Variants in FAM222B observed in about 807,000 individuals in gnomAD.
FAM222B encodes protein FAM222B.
In FAM222B, 12 loss-of-function variants were observed where a neutral mutation model predicts 38.0. That is an observed-to-expected ratio of 0.32 (90% CI 0.20 to 0.51). The LOEUF is 0.51. FAM222B is among the 20% of genes least tolerant of loss of function. The pLI is 0.97. For missense variants in FAM222B, 716 were observed against 754.2 expected (o/e 0.95, Z 0.59); for synonymous variants, 329 against 317.2 (o/e 1.04, Z -0.40).
intron 1 of FAM222B, chr17:28,854,920 T>C: frequency 8.6e-7 from 1 of 1,167,368 alleles, no homozygotes; most frequent in Non-Finnish European, 1.2e-6. Flanking sequence ...ACATCCCATG[T>C]GTCTCGGCTT....
chr17:28,779,327 T>C (rs145113812), intron 1 of FAM222B, among the ~76,000 whole-genome samples: 281 of 152,218 alleles, frequency 1.8e-3, no homozygotes, highest in African/African-American at 6.7e-3. Context: ...AAAAGAAGCA[T>C]TCACCATGAT....
intron 1 of FAM222B, among the ~76,000 whole-genome samples, chr17:28,791,538 G>C (rs2036684103): frequency 6.6e-6 from 1 of 151,846 alleles, no homozygotes; most frequent in Non-Finnish European, 1.5e-5. Flanking sequence ...TCTAAAGATA[G>C]AGAATTTCGC....
chr17:28,796,747 G>A (rs1304980519), intron 1 of FAM222B, among the ~76,000 whole-genome samples: 1 of 151,934 alleles, frequency 6.6e-6, no homozygotes, highest in Non-Finnish European at 1.5e-5. Flanking sequence ...GAAAGAAAGT[G>A]GACCCAACAC....
intron 1 of FAM222B, among the ~76,000 whole-genome samples, chr17:28,835,694 C>G (rs2038820938): frequency 6.6e-6 from 1 of 152,160 alleles, no homozygotes; most frequent in Admixed American, 6.6e-5. Flanking sequence ...GGGTCTCACT[C>G]TGTCGCCCAG....
intron 1 of FAM222B, among the ~76,000 whole-genome samples, chr17:28,773,785 G>A (rs2035754674): frequency 6.6e-6 from 1 of 151,342 alleles, no homozygotes; most frequent in Middle Eastern, 3.4e-3. Flanking sequence ...GCGACACAGC[G>A]AGCCTCTGTC....
At chr17:28,774,735 A>G (rs1026048817) in intron 1 of FAM222B, among the ~76,000 whole-genome samples, 2 of 151,990 alleles carry the variant, frequency 1.3e-5, no homozygotes, top group African/African-American at 4.8e-5. Flanking sequence ...AGCTTCAGGA[A>G]TTCATGACCA....
intron 1 of FAM222B, among the ~76,000 whole-genome samples, chr17:28,825,424 A>G (rs1409422731): frequency 1.4e-5 from 2 of 140,192 alleles, no homozygotes; most frequent in African/African-American, 5.3e-5. Flanking sequence ...ACAGAGTGAG[A>G]TCCCGTCTCA....
intron 1 of FAM222B, among the ~76,000 whole-genome samples, chr17:28,833,468 T>A (rs2038735293): frequency 6.7e-6 from 1 of 150,170 alleles, no homozygotes; most frequent in South Asian, 2.1e-4. Flanking sequence ...AATACAAAAA[T>A]TAGCTAGGCG....
intron 1 of FAM222B, among the ~76,000 whole-genome samples, chr17:28,809,923 C>T (rs773680546): frequency 7.9e-5 from 12 of 152,126 alleles, no homozygotes; most frequent in African/African-American, 1.4e-4. Context: ...ACCCAGATAT[C>T]AAATAGAAGG....
At chr17:28,791,809 G>GAC (rs2036702538) in intron 1 of FAM222B, among the ~76,000 whole-genome samples, 3 of 151,272 alleles carry the variant, frequency 2.0e-5, no homozygotes, top group African/African-American at 7.3e-5. Flanking sequence ...ACAGGCACGT[G>GAC]TCACCACGCC....
intron 1 of FAM222B, among the ~76,000 whole-genome samples, chr17:28,807,370 G>T (rs946172075): frequency 6.6e-6 from 1 of 151,536 alleles, no homozygotes; most frequent in Non-Finnish European, 1.5e-5. Context: ...GCTTGTTTTT[G>T]TGTGTGTGTT....
At chr17:28,800,440 G>A (rs1259407328) in intron 1 of FAM222B, among the ~76,000 whole-genome samples, 1 of 152,200 alleles carries the variant, frequency 6.6e-6, no homozygotes, top group South Asian at 2.1e-4. Context: ...AAATTGATGT[G>A]CAGGCTGAAG....
At chr17:28,833,206 G>A (rs1420241756) in intron 1 of FAM222B, among the ~76,000 whole-genome samples, 2 of 149,848 alleles carry the variant, frequency 1.3e-5, no homozygotes, top group African/African-American at 2.5e-5. Context: ...CTACTTGGGA[G>A]GCTGAGGCAG....
At chr17:28,792,228 C>T (rs1346915708) in intron 1 of FAM222B, among the ~76,000 whole-genome samples, 1 of 149,920 alleles carries the variant, frequency 6.7e-6, no homozygotes, top group Non-Finnish European at 1.5e-5. Flanking sequence ...AAGAGAATGG[C>T]GTGAACCTGG....
chr17:28,797,793 C>T (rs1337707760), intron 1 of FAM222B, among the ~76,000 whole-genome samples: 2 of 152,042 alleles, frequency 1.3e-5, no homozygotes, highest in East Asian at 1.9e-4. Flanking sequence ...ACAGCCATCA[C>T]GGATCATGCC....
At chr17:28,792,814 CAG>C (rs2036763819) in intron 1 of FAM222B, among the ~76,000 whole-genome samples, 1 of 150,748 alleles carries the variant, frequency 6.6e-6, no homozygotes, top group Non-Finnish European at 1.5e-5. Flanking sequence ...AAGAAACAAA[CAG>C]AAAGAGAAAT....
chr17:28,759,518 G>T lies in FAM222B; in HGVS notation c.441C>A (p.Pro147=). ...GCTGGCGGGCCAGAGCCTGGGCCTG[G>T]GGGTGGGCTAAAGTGCTGGGTGCCA... ...ATVAPSTLAH[P]QAQALARQQA... Residue 147 remains proline, a synonymous_variant, in exon 3 of 3, where the codon CCC becomes CCA. Coordinates refer to ENST00000581407, the MANE Select transcript of FAM222B (RefSeq NM_001077498.3). This position sits in a 1 kb window ranked among gnomAD's most constrained non-coding sequence, Gnocchi z 4.8. 6.3e-7 allele frequency: 1 copy of T among 1,586,094 alleles called. No individual in the cohort carries two copies. Among genetic ancestry groups the T allele is most frequent in the Non-Finnish European group, 8.6e-7 (1 of 1,164,964 alleles).
chr17:28,790,512 C>T (rs2036612534), intron 1 of FAM222B: 1 of 152,152 alleles, frequency 6.6e-6, no homozygotes, highest in African/African-American at 2.4e-5. Flanking sequence ...AACTTAATAG[C>T]ATCAAGGTTA....
intron 1 of FAM222B, among the ~76,000 whole-genome samples, chr17:28,811,457 C>CA (rs199982668): frequency 3.9e-5 from 6 of 151,938 alleles, no homozygotes; most frequent in East Asian, 1.9e-4. Context: ...AAAACAAAAA[C>CA]AAAAAAACCC....
Sources: allele counts gnomAD v4.1 joint callset (sites outside exome capture counted in the v4.1 genomes callset), GRCh38; gene constraint gnomAD v4.1.1; non-coding constraint Gnocchi (gnomAD v3.1); transcripts MANE v1.5; gene names NCBI Gene and HGNC (gene_info 2026-07-23, HGNC 2026-07-21).